The following HEXA variants were observed in gnomAD, a reference collection of about 807,000 sequenced individuals.
HEXA encodes hexosaminidase subunit alpha, also known as beta-hexosaminidase subunit alpha.
In HEXA, 54 loss-of-function variants were observed where a neutral mutation model predicts 73.3. The ratio of observed to expected loss-of-function variants is 0.74; its 90% confidence interval spans 0.59 to 0.92. The LOEUF (loss-of-function observed/expected upper bound fraction) is 0.92, where lower values mean the gene tolerates loss of function less well. Ranked by LOEUF, HEXA falls within the 40% of genes least tolerant of loss-of-function variation. HEXA has a pLI of 0.00. For synonymous variants in HEXA, 230 were observed against 246.9 expected (o/e 0.93, Z 0.64); for missense variants, 649 against 653.0 (o/e 0.99, Z 0.07).
intron 1 of HEXA, chr15:72,370,606 A>G: frequency 2.5e-6 from 1 of 397,566 alleles, no homozygotes; most frequent in African/African-American, 2.1e-5. Context: ...GTGAGGCGGG[A>G]AGACTGCTTG....
In HEXA at chr15:72,349,250, C is replaced by T. The variant is rs911351010; in HGVS notation, c.815G>A (p.Gly272Glu). The T allele has an allele frequency of 3.7e-6, 6 of 1,613,706 alleles. No individual in the cohort carries two copies. The highest frequency in any genetic ancestry group is 2.7e-5 in the African/African-American group (2 of 74,912). The part of the protein sequence containing the change: ...HTLSWGPGIP[G>E]LLTPCYSGSE... ...CCCAGAGTAGCAAGGAGTCAGTAAT[C>T]CAGGGATACCTAAGCCAAGAGAAAA... The change falls in exon 8 of 14, where the codon GGA (glycine) becomes GAA (glutamate). Residue 272 changes from glycine (G) to glutamate (E), a missense_variant. Coordinates refer to ENST00000268097, the MANE Select transcript of HEXA (RefSeq NM_000520.6).
At chr15:72,344,556 A>G (rs1340061411) in intron 13 of HEXA, among the ~76,000 whole-genome samples, 2 of 152,172 alleles carry the variant, frequency 1.3e-5, no homozygotes, top group Non-Finnish European at 2.9e-5. Flanking sequence ...TGGGGGACTT[A>G]GGTGCTGTCC....
At chr15:72,353,802 A>T in intron 3 of HEXA, 65 bp from the exon 4 acceptor site, 1 of 1,183,382 alleles carries the variant, frequency 8.5e-7, no homozygotes, top group Non-Finnish European at 1.3e-6. Context: ...CTCTATTTGG[A>T]AGGTTCTCAA....
At position 72,350,566 on chromosome 15, in the gene HEXA, C is replaced by A. The variant is rs774868739; in HGVS notation, c.757G>T (p.Val253Leu). ...IEYARLRGIR[V>L]LAEFDTPGHT... Reference sequence around the variant, plus strand: ...CCAGGAGTGTCAAACTCTGCAAGCACACGGATACCCCGGAGCCGTGCGTAT... The same window carrying A: ...CCAGGAGTGTCAAACTCTGCAAGCAAACGGATACCCCGGAGCCGTGCGTAT... Residue 253 changes from valine to leucine, a missense_variant, in exon 7 of 14, where the codon GTG (valine) becomes TTG (leucine). By Grantham distance (32) the Val-to-Leu change is conservative (BLOSUM62 1). Coordinates refer to ENST00000268097, the MANE Select transcript of HEXA (RefSeq NM_000520.6). The A allele has an allele frequency of 3.1e-6, 5 of 1,614,142 alleles. No individual in the cohort carries two copies. The highest frequency in any genetic ancestry group is 1.3e-5 in the African/African-American group (1 of 75,034).
intron 13 of HEXA, among the ~76,000 whole-genome samples, chr15:72,344,585 C>T (rs757960076): frequency 4.6e-5 from 7 of 152,134 alleles, no homozygotes; most frequent in Middle Eastern, 3.2e-3. Context: ...AACATGGATG[C>T]GAAATCCTGT....
intron 6 of HEXA, 100 bp from the exon 7 acceptor site, chr15:72,350,750 C>G: frequency 7.5e-7 from 1 of 1,334,774 alleles, no homozygotes; most frequent in East Asian, 2.3e-5. Flanking sequence ...ATCAGAAAAC[C>G]TGCCCATAGC....
In HEXA at chr15:72,343,102, TC is replaced by T; in HGVS notation, c.*974del. ...CGGGCGTGGTGGCGGGCGCCTGTAG[TC>T]CCAGCTACTGGGGAGGCTGAGGCAG... On this transcript the variant is annotated 3_prime_UTR_variant, in exon 14 of 14. Transcript: ENST00000268097. The T allele has an allele frequency of 6.6e-6, 1 of 152,204 alleles. No individual in the cohort carries two copies. The highest frequency in any genetic ancestry group is 1.5e-5 in the Non-Finnish European group (1 of 68,096). 9.4% of individuals were successfully genotyped at this position (152,204 alleles called of 1,614,324 possible). A position where few individuals can be genotyped will look rare whatever the true frequency, so the allele number is the denominator to read the frequency against.
In HEXA at chr15:72,347,683, C is replaced by T; in HGVS notation, c.1146+3G>A. The stretch of plus-strand genomic sequence containing the variant: ...GCTTCTTCTCTTCTCTGCCCCGGCT[C>T]ACCTTTACTTTATTATCAAACACCT... On this transcript the variant is annotated splice_donor_region_variant and intron_variant, in intron 10 of 13. Transcript: ENST00000268097. 1 of 1,613,890 alleles carries T rather than the reference C, an allele frequency of 6.2e-7. No individual in the cohort carries two copies. The highest frequency in any genetic ancestry group is 8.5e-7 in the Non-Finnish European group (1 of 1,179,748).
intron 1 of HEXA, among the ~76,000 whole-genome samples, chr15:72,367,813 C>T (rs778645065): frequency 1.3e-5 from 2 of 152,172 alleles, no homozygotes; most frequent in South Asian, 2.1e-4. Context: ...TCTTTCTATG[C>T]GGAATACTAT....
At chr15:72,353,791 T>G (rs895620717) in intron 3 of HEXA, 54 bp from the exon 4 acceptor site, 13 of 1,287,808 alleles carry the variant, frequency 1.0e-5, no homozygotes, top group Non-Finnish European at 1.5e-5. Flanking sequence ...AAAAGAGATG[T>G]CTCTATTTGG....
intron 4 of HEXA, among the ~76,000 whole-genome samples, 183 bp from the exon 5 acceptor site, chr15:72,353,361 C>CAATT (rs1487085876): frequency 1.3e-5 from 2 of 152,140 alleles, no homozygotes; most frequent in Non-Finnish European, 2.9e-5. Flanking sequence ...TCCCAGAGAG[C>CAATT]AATTGTCCAA....
chr15:72,375,645 C>G, intron 1 of HEXA, 75 bp downstream of exon 1: 2 of 1,569,252 alleles, frequency 1.3e-6, no homozygotes, highest in Non-Finnish European at 1.7e-6. Context: ...TAGGGCGTCT[C>G]TGGAGCCCTG....
chr15:72,353,678 G>A lies in HEXA; in HGVS notation c.459+13C>T. The A allele has an allele frequency of 6.2e-7, 1 of 1,604,804 alleles. No homozygotes were observed. Among genetic ancestry groups the A allele is most frequent in the Non-Finnish European group, 8.5e-7 (1 of 1,171,542 alleles). On this transcript the variant is annotated intron_variant, in intron 4 of 13. Transcript: ENST00000268097. Reference sequence around the variant, plus strand: ...AGATGAAAAAGGAGCCCTTTTTGAGGGTCCACACTTACTGTGCCCTCAGCA... The same window carrying A: ...AGATGAAAAAGGAGCCCTTTTTGAGAGTCCACACTTACTGTGCCCTCAGCA...
chr15:72,347,475 C>T (rs1015452496), intron 10 of HEXA, among the ~76,000 whole-genome samples: 6 of 151,874 alleles, frequency 4.0e-5, no homozygotes, highest in African/African-American at 7.3e-5. Flanking sequence ...TCAAGCAATC[C>T]CCCTGCCTTG....
Position 72,343,071 on chromosome 15 carries a change from A to G in HEXA, c.*1006T>C, listed in dbSNP as rs977958179. The stretch of plus-strand genomic sequence containing the variant: ...CCCATCTCTACTAAAAATACAAAAA[A>G]TTAGCCGGGCGTGGTGGCGGGCGCC... On this transcript the variant is annotated 3_prime_UTR_variant, in exon 14 of 14. Coordinates refer to ENST00000268097, the MANE Select transcript of HEXA (RefSeq NM_000520.6). The G allele has an allele frequency of 1.3e-5, 2 of 152,150 alleles. No individual in the cohort carries two copies. Among genetic ancestry groups the G allele is most frequent in the Non-Finnish European group, 2.9e-5 (2 of 68,056 alleles). 9.4% of individuals were successfully genotyped at this position (152,150 alleles called of 1,614,324 possible).
rs777515618 is a variant in HEXA, at chr15:72,375,805, G to A, written c.168C>T (p.Pro56=). The A allele has an allele frequency of 1.2e-6, 2 of 1,614,126 alleles. No individual in the cohort carries two copies. Among genetic ancestry groups the A allele is most frequent in the Admixed American group, 1.7e-5 (1 of 60,012 alleles). Residue 56 remains proline (P), a synonymous_variant, in exon 1 of 14, where the codon CCC becomes CCT. Coordinates refer to ENST00000268097, the MANE Select transcript of HEXA (RefSeq NM_000520.6). ...AGGCCTCGTCGAGGACTGAGCAGCC[G>A]GGCTGCGCGGCCGAGCTGACATCGT... ...FQYDVSSAAQ[P]GCSVLDEAFQ...
At chr15:72,345,601 G>A (rs1407438667) in intron 12 of HEXA, 51 bp from the exon 13 acceptor site, 6 of 1,608,060 alleles carry the variant, frequency 3.7e-6, no homozygotes, top group East Asian at 2.2e-5. Context: ...CCCTGCAAAG[G>A]TGCTGGACAT....
intron 3 of HEXA, chr15:72,355,106 T>C (rs1219968941): frequency 1.2e-5 from 3 of 244,434 alleles, no homozygotes; most frequent in Non-Finnish European, 2.4e-5. Flanking sequence ...GCCCACAGAC[T>C]CTCCTACTGC....
chr15:72,346,690 T>C lies in HEXA; in HGVS notation c.1167A>G (p.Ile389Met). The C allele has an allele frequency of 6.2e-7, 1 of 1,614,108 alleles. No individual in the cohort carries two copies. The highest frequency in any genetic ancestry group is 1.1e-5 in the South Asian group (1 of 91,078). Residue 389 changes from isoleucine (I) to methionine (M), a missense_variant, in exon 11 of 14, where the codon ATA (isoleucine) becomes ATG (methionine). Coordinates refer to ENST00000268097, the MANE Select transcript of HEXA (RefSeq NM_000520.6). The part of the protein sequence containing the change: ...NKVKIQPDTI[I>M]QVWREDIPVN... The stretch of plus-strand genomic sequence containing the variant: ...CTGGAATATCCTCTCGCCACACCTG[T>C]ATGATTGTGTCTGGCTGAATCTGTT...
Sources: allele counts gnomAD v4.1 joint callset (sites outside exome capture counted in the v4.1 genomes callset), GRCh38; gene constraint gnomAD v4.1.1; transcripts MANE v1.5; gene names NCBI Gene and HGNC (gene_info 2026-07-23, HGNC 2026-07-21).